NKX1-2: variants seen among roughly 807,000 people sequenced by gnomAD.
The protein encoded by NKX1-2 is NK1 homeobox 2, also known as NK1 transcription factor-related protein 2.
NKX1-2 carries 1 observed loss-of-function variant against 4.4 expected under a neutral mutation model. The ratio of observed to expected loss-of-function variants is 0.23; its 90% confidence interval spans 0.08 to 1.08. NKX1-2 has a LOEUF of 1.08. Ranked by LOEUF, NKX1-2 falls within the 50% of genes least tolerant of loss-of-function variation. The probability of loss-of-function intolerance (pLI) is 0.55; values close to 1 mark genes in which losing one functional copy is unlikely to be tolerated. For synonymous variants in NKX1-2, 235 were observed against 228.0 expected, an observed-to-expected ratio of 1.03 and a Z score of -0.28; for missense variants, 503 against 464.6, an observed-to-expected ratio of 1.08 and a Z score of -0.76.
rs1952246177 is a variant in NKX1-2, at chr10:124,447,219, G to C, written c.*210C>G. ...AAAGTGAACAGCAAGGTCCAGAAAC[G>C]GCAAGGCTTGAGGTCAGCCTCCGTC... On this transcript the variant is annotated 3_prime_UTR_variant, in exon 2 of 2. Transcript: ENST00000451024. 2.6e-6 allele frequency: 1 copy of C among 378,216 alleles called. No individual in the cohort carries two copies. Among genetic ancestry groups the C allele is most frequent in the Admixed American group, 4.5e-5 (1 of 22,018 alleles). The allele number at this position is 378,216 out of a possible 1,614,324, so 23.4% of individuals were successfully genotyped here. A position where few individuals can be genotyped will look rare whatever the true frequency, so the allele number is the denominator to read the frequency against.
rs1426856746 is a variant in NKX1-2 at position 124,449,719 on chromosome 10, T to C, written c.214+11A>G. On this transcript the variant is annotated intron_variant, in intron 1 of 1. Transcript: ENST00000451024. This position sits in a 1 kb window ranked among gnomAD's most constrained non-coding sequence, Gnocchi z 7.5. ...GAGGCCTCCTGGGGCCGGGGCCGCC[T>C]TGCATCTTACCAGGGGTCTCCAGCT... 1.3e-6 allele frequency: 2 copies of C among 1,546,588 alleles called. No homozygotes were observed. The highest frequency in any genetic ancestry group is 1.7e-6 in the Non-Finnish European group (2 of 1,142,858).
rs1183335023 is a variant in NKX1-2 at position 124,449,468 on chromosome 10, C to T, written c.214+262G>A. 1.5e-6 allele frequency: 1 copy of T among 686,580 alleles called. No individual in the cohort carries two copies. The highest frequency in any genetic ancestry group is 1.5e-5 in the South Asian group (1 of 66,632). 42.5% of individuals were successfully genotyped at this position (686,580 alleles called of 1,614,324 possible). A position where few individuals can be genotyped will look rare whatever the true frequency, so the allele number is the denominator to read the frequency against. ...GCAAGACAGGCGCCAGGTAAGTTTCCACCGCGAGCATCAGAACTGTGGTGC... is the reference window on the plus strand; with the variant it reads ...GCAAGACAGGCGCCAGGTAAGTTTCTACCGCGAGCATCAGAACTGTGGTGC... On this transcript the variant is annotated intron_variant, in intron 1 of 1. Transcript: ENST00000451024. This position sits in a 1 kb window ranked among gnomAD's most constrained non-coding sequence, Gnocchi z 7.5.
In NKX1-2 at chr10:124,449,937, C is replaced by G. The variant is rs1342922750; in HGVS notation, c.7G>C (p.Ala3Pro). 4 of 1,534,756 alleles carry G rather than the reference C, an allele frequency of 2.6e-6. No individual in the cohort carries two copies. In the African/African-American group the frequency reaches 4.1e-5, roughly 16 times the overall value. Residue 3 changes from alanine to proline, a missense_variant, in exon 1 of 2, where the codon GCA becomes CCA. Transcript: ENST00000451024. The surrounding 1 kb of genome is among the most constrained non-coding windows in gnomAD (Gnocchi z 7.5). ML[A>P]WQDGGAKAAP... ...GCCTTGGCCCCGCCGTCCTGCCATG[C>G]CAGCATGCCCGTCGCCCACGGGCCG...
At position 124,447,515 on chromosome 10, in the gene NKX1-2, G is replaced by A; in HGVS notation, c.847C>T (p.Pro283Ser). Residue 283 changes from proline to serine, a missense_variant, in exon 2 of 2, where the codon CCG (proline) becomes TCG (serine). Pro to Ser is a moderately conservative substitution (Grantham distance 74). Transcript: ENST00000451024. ...CTCCCGGGGGCGGCAGCCGTCAGCG[G>A]GAAGGAGGCGGCGGACGGGAAGAGG... ...NVLFPSAASF[P>S]LTAAAPGSPF... 2.4e-6 allele frequency: 3 copies of A among 1,274,402 alleles called. No homozygotes were observed. In the South Asian group the frequency reaches 1.1e-4, roughly 47 times the overall value. The allele number at this position is 1,274,402 out of a possible 1,614,324, so 78.9% of individuals were successfully genotyped here.
Position 124,447,635 on chromosome 10 carries a change from C to G in NKX1-2, c.727G>C (p.Gly243Arg), listed in dbSNP as rs2133791200. Reference protein sequence around the residue: ...GGAPQPGAAGGGGGGGSGGSP... With the variant: ...GGAPQPGAAGRGGGGGSGGSP... ...CCCCCCGAGCCGCCGCCGCCGCCGC[C>G]CCCCGCCGCCCCTGGCTGGGGCGCG... Residue 243 changes from glycine (G) to arginine (R), a missense_variant, in exon 2 of 2, where the codon GGC becomes CGC. Transcript: ENST00000451024. The G allele has an allele frequency of 7.8e-7, 1 of 1,288,332 alleles. No homozygotes were observed. The highest frequency in any genetic ancestry group is 3.1e-5 in the East Asian group (1 of 32,132). The allele number at this position is 1,288,332 out of a possible 1,614,324, so 79.8% of individuals were successfully genotyped here.
Position 124,447,586 on chromosome 10 carries a change from C to T in NKX1-2, c.776G>A (p.Gly259Asp), listed in dbSNP as rs201139614. 7.9e-7 allele frequency: 1 copy of T among 1,271,170 alleles called. No homozygotes were observed. The highest frequency in any genetic ancestry group is 9.9e-7 in the Non-Finnish European group (1 of 1,007,258). 78.7% of individuals were successfully genotyped at this position (1,271,170 alleles called of 1,614,324 possible). The change falls in exon 2 of 2, where the codon GGC becomes GAC. Residue 259 changes from glycine to aspartate, a missense_variant. Coordinates refer to ENST00000451024, the MANE Select transcript of NKX1-2 (RefSeq NM_001146340.3). The stretch of plus-strand genomic sequence containing the variant: ...GGGGAAAGTCTGGAAGTGCAGAGCG[C>T]CGGTGCCGGGAGGGCCAGGACTGCC... ...SGGSPGPPGT[G>D]ALHFQTFPSY...
chr10:124,449,457 A>G lies in NKX1-2; in HGVS notation c.214+273T>C. 1.5e-6 allele frequency: 1 copy of G among 680,316 alleles called. No homozygotes were observed. Among genetic ancestry groups the G allele is most frequent in the Non-Finnish European group, 2.7e-6 (1 of 371,056 alleles). 42.1% of individuals were successfully genotyped at this position (680,316 alleles called of 1,614,324 possible). On this transcript the variant is annotated intron_variant, in intron 1 of 1. Coordinates refer to ENST00000451024, the MANE Select transcript of NKX1-2 (RefSeq NM_001146340.3). This position sits in a 1 kb window ranked among gnomAD's most constrained non-coding sequence, Gnocchi z 7.5. ...GAGTAAGCCTGGCAAGACAGGCGCC[A>G]GGTAAGTTTCCACCGCGAGCATCAG...
In NKX1-2 at chr10:124,449,996, C is replaced by T; in HGVS notation, c.-53G>A. The T allele has an allele frequency of 2.2e-6, 3 of 1,375,150 alleles. No homozygotes were observed. The highest frequency in any genetic ancestry group is 5.1e-5 in the East Asian group (2 of 38,920). The allele number at this position is 1,375,150 out of a possible 1,614,324, so 85.2% of individuals were successfully genotyped here. ...CGGCGCGGGGTTGGGGATGGCGCCG[C>T]TCGGGCTTGCCTTCGGCTGTGGCTT... is the stretch of plus-strand genomic sequence containing the variant. On this transcript the variant is annotated 5_prime_UTR_variant, in exon 1 of 2. Transcript: ENST00000451024. This position sits in a 1 kb window ranked among gnomAD's most constrained non-coding sequence, Gnocchi z 7.5.
Position 124,448,761 on chromosome 10 carries a change from G to A in NKX1-2, c.215-614C>T, listed in dbSNP as rs1952269514. 6.5e-6 allele frequency: 1 copy of A among 152,928 alleles called. No homozygotes were observed. Among genetic ancestry groups the A allele is most frequent in the Non-Finnish European group, 1.5e-5 (1 of 68,548 alleles). The allele number at this position is 152,928 out of a possible 1,614,324, so 9.5% of individuals were successfully genotyped here. A position where few individuals can be genotyped will look rare whatever the true frequency, so the allele number is the denominator to read the frequency against. ...TTGAAGTCGGTACCTGCAAGCTGCG[G>A]GCAGGAGATATGCAGGCGCCAGTAA... On this transcript the variant is annotated intron_variant, in intron 1 of 1. Coordinates refer to ENST00000451024, the MANE Select transcript of NKX1-2 (RefSeq NM_001146340.3). This position sits in a 1 kb window ranked among gnomAD's most constrained non-coding sequence, Gnocchi z 4.1.
In NKX1-2 at chr10:124,447,189, G is replaced by A. The variant is rs758526813; in HGVS notation, c.*240C>T. The A allele has an allele frequency of 1.6e-4, 60 of 379,874 alleles. No homozygotes were observed. The highest frequency in any genetic ancestry group is 2.5e-4 in the Non-Finnish European group (54 of 214,020). The allele number at this position is 379,874 out of a possible 1,614,324, so 23.5% of individuals were successfully genotyped here. A position where few individuals can be genotyped will look rare whatever the true frequency, so the allele number is the denominator to read the frequency against. On this transcript the variant is annotated 3_prime_UTR_variant, in exon 2 of 2. Transcript: ENST00000451024. Reference sequence around the variant, plus strand: ...CTAGCCCCTGAACTGAATTAAACCTGACCCAAAGTGAACAGCAAGGTCCAG... The same window carrying A: ...CTAGCCCCTGAACTGAATTAAACCTAACCCAAAGTGAACAGCAAGGTCCAG...
Position 124,447,577 on chromosome 10 carries a change from T to A in NKX1-2, c.785A>T (p.His262Leu). 7.9e-7 allele frequency: 1 copy of A among 1,271,442 alleles called. No individual in the cohort carries two copies. The highest frequency in any genetic ancestry group is 9.9e-7 in the Non-Finnish European group (1 of 1,007,114). 78.8% of individuals were successfully genotyped at this position (1,271,442 alleles called of 1,614,324 possible). ...GGAGTAGGAGGGGAAAGTCTGGAAGTGCAGAGCGCCGGTGCCGGGAGGGCC... is the reference window on the plus strand; with the variant it reads ...GGAGTAGGAGGGGAAAGTCTGGAAGAGCAGAGCGCCGGTGCCGGGAGGGCC... Reference protein sequence around the residue: ...SPGPPGTGALHFQTFPSYSAA... With the variant: ...SPGPPGTGALLFQTFPSYSAA... The change falls in exon 2 of 2, where the codon CAC becomes CTC. Residue 262 changes from histidine to leucine, a missense_variant. By Grantham distance (99) the His-to-Leu change is moderately conservative. Transcript: ENST00000451024.
At position 124,447,430 on chromosome 10, in the gene NKX1-2, C is replaced by T; in HGVS notation, c.932G>A (p.Ter311=). 1 of 1,252,786 alleles carries T rather than the reference C, an allele frequency of 8.0e-7. No individual in the cohort carries two copies. Among genetic ancestry groups the T allele is most frequent in the Non-Finnish European group, 1.0e-6 (1 of 990,864 alleles). The allele number at this position is 1,252,786 out of a possible 1,614,324, so 77.6% of individuals were successfully genotyped here. The part of the protein sequence containing the change: ...YLTPFYAPRL[*] Reference sequence around the variant, plus strand: ...AAGAGGGGCCAGGGGGCTCCGGATTCATAGACGCGGGGCGTAGAAGGGGGT... The same window carrying T: ...AAGAGGGGCCAGGGGGCTCCGGATTTATAGACGCGGGGCGTAGAAGGGGGT... The change falls in exon 2 of 2, where the codon TGA becomes TAA. Residue 311 remains the stop codon, a stop_retained_variant. Transcript: ENST00000451024.
rs1952253700 is a variant in NKX1-2 at position 124,447,642 on chromosome 10, C to G, written c.720G>C (p.Ala240=). The G allele has an allele frequency of 2.3e-6, 3 of 1,306,226 alleles. No individual in the cohort carries two copies. Among genetic ancestry groups the G allele is most frequent in the Non-Finnish European group, 2.9e-6 (3 of 1,026,782 alleles). 80.9% of individuals were successfully genotyped at this position (1,306,226 alleles called of 1,614,324 possible). ...QVGGGAPQPG[A]AGGGGGGGSG... ...AGCCGCCGCCGCCGCCGCCCCCCGC[C>G]GCCCCTGGCTGGGGCGCGCCACCCC... Residue 240 remains alanine (A), a synonymous_variant, in exon 2 of 2, where the codon GCG becomes GCC. Transcript: ENST00000451024.
rs1419306268 is a variant in NKX1-2, at chr10:124,447,604, G to A, written c.758C>T (p.Pro253Leu). The A allele has an allele frequency of 6.2e-6, 8 of 1,280,966 alleles. No homozygotes were observed. The highest frequency in any genetic ancestry group is 1.5e-5 in the African/African-American group (1 of 64,666). 79.3% of individuals were successfully genotyped at this position (1,280,966 alleles called of 1,614,324 possible). Reference protein sequence around the residue: ...GGGGGGSGGSPGPPGTGALHF... With the variant: ...GGGGGGSGGSLGPPGTGALHF... ...CAGAGCGCCGGTGCCGGGAGGGCCA[G>A]GACTGCCCCCCGAGCCGCCGCCGCC... Residue 253 changes from proline (P) to leucine (L), a missense_variant, in exon 2 of 2, where the codon CCT (proline) becomes CTT (leucine). Transcript: ENST00000451024.
chr10:124,447,425 G>T lies in NKX1-2; in HGVS notation c.*4C>A. ...CGCGAAAGAGGGGCCAGGGGGCTCC[G>T]GATTCATAGACGCGGGGCGTAGAAG... is the stretch of plus-strand genomic sequence containing the variant. On this transcript the variant is annotated 3_prime_UTR_variant, in exon 2 of 2. Coordinates refer to ENST00000451024, the MANE Select transcript of NKX1-2 (RefSeq NM_001146340.3). 4 of 1,247,326 alleles carry T rather than the reference G, an allele frequency of 3.2e-6. No individual in the cohort carries two copies. Among genetic ancestry groups the T allele is most frequent in the Non-Finnish European group, 4.1e-6 (4 of 987,534 alleles). 77.3% of individuals were successfully genotyped at this position (1,247,326 alleles called of 1,614,324 possible). A position where few individuals can be genotyped will look rare whatever the true frequency, so the allele number is the denominator to read the frequency against.
chr10:124,447,387 C>T lies in NKX1-2; in HGVS notation c.*42G>A. 8.3e-7 allele frequency: 1 copy of T among 1,209,462 alleles called. No individual in the cohort carries two copies. The highest frequency in any genetic ancestry group is 1.0e-6 in the Non-Finnish European group (1 of 956,022). The allele number at this position is 1,209,462 out of a possible 1,614,324, so 74.9% of individuals were successfully genotyped here. On this transcript the variant is annotated 3_prime_UTR_variant, in exon 2 of 2. Transcript: ENST00000451024. Reference sequence around the variant, plus strand: ...GCCGAGGGCACACGACGATGCCAATCCCTCGTGAATCCCGCGAAAGAGGGG... The same window carrying T: ...GCCGAGGGCACACGACGATGCCAATTCCTCGTGAATCCCGCGAAAGAGGGG...
Position 124,449,585 on chromosome 10 carries a change from G to T in NKX1-2, c.214+145C>A, listed in dbSNP as rs1288167739. 5.5e-6 allele frequency: 4 copies of T among 724,160 alleles called. No individual in the cohort carries two copies. The Admixed American group carries it at 8.0e-5, about 14-fold the overall frequency. 44.9% of individuals were successfully genotyped at this position (724,160 alleles called of 1,614,324 possible). A position where few individuals can be genotyped will look rare whatever the true frequency, so the allele number is the denominator to read the frequency against. ...CTGCCTCTATCCAAGTCCGAGGCGG[G>T]GGCTACACTTCGCACCCGGTCCCGT... On this transcript the variant is annotated intron_variant, in intron 1 of 1. Coordinates refer to ENST00000451024, the MANE Select transcript of NKX1-2 (RefSeq NM_001146340.3). The surrounding 1 kb of genome is among the most constrained non-coding windows in gnomAD (Gnocchi z 7.5).
chr10:124,447,525 G>A lies in NKX1-2; in HGVS notation c.837C>T (p.Ala279=), dbSNP rs1299351516. The A allele has an allele frequency of 1.2e-5, 15 of 1,274,148 alleles. No individual in the cohort carries two copies. Among genetic ancestry groups the A allele is most frequent in the South Asian group, 7.3e-5 (2 of 27,292 alleles). The allele number at this position is 1,274,148 out of a possible 1,614,324, so 78.9% of individuals were successfully genotyped here. A position where few individuals can be genotyped will look rare whatever the true frequency, so the allele number is the denominator to read the frequency against. The change falls in exon 2 of 2, where the codon GCC becomes GCT. Residue 279 remains alanine, a synonymous_variant. Transcript: ENST00000451024. ...YSAANVLFPS[A]ASFPLTAAAP... Reference sequence around the variant, plus strand: ...CGGCAGCCGTCAGCGGGAAGGAGGCGGCGGACGGGAAGAGGACATTGGCCG... The same window carrying A: ...CGGCAGCCGTCAGCGGGAAGGAGGCAGCGGACGGGAAGAGGACATTGGCCG...
rs761419284 is a variant in NKX1-2 at position 124,447,881 on chromosome 10, C to T, written c.481G>A (p.Ala161Thr). ...PRRRRLEPNC[A>T]KPRRARTAFT... ...GCGGTGCGCGCGCGCCGCGGCTTGG[C>T]GCAGTTGGGCTCCAGGCGCCGGCGC... Residue 161 changes from alanine (A) to threonine (T), a missense_variant, in exon 2 of 2, where the codon GCC (alanine) becomes ACC (threonine). By Grantham distance (58) the Ala-to-Thr change is moderately conservative (BLOSUM62 0). Coordinates refer to ENST00000451024, the MANE Select transcript of NKX1-2 (RefSeq NM_001146340.3). 6 of 1,442,722 alleles carry T rather than the reference C, an allele frequency of 4.2e-6. No individual in the cohort carries two copies. The South Asian group carries it at 5.6e-5, about 13-fold the overall frequency. The allele number at this position is 1,442,722 out of a possible 1,614,324, so 89.4% of individuals were successfully genotyped here.
Sources: gnomAD v4.1 joint callset for allele counts on GRCh38, gnomAD v4.1.1 for gene constraint, Gnocchi (gnomAD v3.1) non-coding constraint, MANE v1.5 for transcripts, NCBI Gene and HGNC (gene_info 2026-07-23, HGNC 2026-07-21) for gene names.